The following OSBP2 variants were observed in gnomAD, a reference collection of about 807,000 sequenced individuals.
OSBP2 encodes the protein oxysterol binding protein 2.
A neutral mutation model predicts 96.0 loss-of-function variants in OSBP2; 66 were observed. The observed-to-expected ratio is 0.69, with a 90% CI of 0.56 to 0.84. The LOEUF is 0.84. OSBP2 is among the 40% of genes least tolerant of loss of function. The pLI, the probability that OSBP2 is intolerant of heterozygous loss-of-function variation, is 0.00. For missense variants in OSBP2, 1,038 were observed against 1,222.7 expected, an observed-to-expected ratio of 0.85 and a Z score of 2.25; for synonymous variants, 525 against 520.9, an observed-to-expected ratio of 1.01 and a Z score of -0.11.
At position 30,701,095 on chromosome 22, in the gene OSBP2, C is replaced by CA. The variant is rs61586620; in HGVS notation, c.644+5558dup. Among the ~76,000 whole-genome samples, 387 of 106,808 alleles carry CA rather than the reference C, an allele frequency of 3.6e-3. 2 individuals carry two copies. The highest frequency in any genetic ancestry group is 7.0e-3 in the African/African-American group (201 of 28,850). The allele number at this position is 106,808 out of a possible 152,430, so 70.1% of individuals were successfully genotyped here. A position where few individuals can be genotyped will look rare whatever the true frequency, so the allele number is the denominator to read the frequency against. ...GGGCAACAAGAGTGCAACTACGTCT[C>CA]AAAAAAAAAAAAAAAAGTCCTTTGG... On this transcript the variant is annotated intron_variant, in intron 1 of 13. Transcript: ENST00000332585.
intron 3 of OSBP2, among the ~76,000 whole-genome samples, chr22:30,880,852 G>A (rs2039689235): frequency 6.6e-6 from 1 of 152,182 alleles, no homozygotes; most frequent in Non-Finnish European, 1.5e-5. Flanking sequence ...ATGGGGCACC[G>A]GTGACCAGCA....
intron 2 of OSBP2, among the ~76,000 whole-genome samples, chr22:30,853,075 T>C (rs1055820426): frequency 6.6e-6 from 1 of 152,234 alleles, no homozygotes; most frequent in African/African-American, 2.4e-5. Context: ...TTGAAAAGAA[T>C]GTGTGTTCTG....
intron 12 of OSBP2, among the ~76,000 whole-genome samples, chr22:30,898,661 G>A (rs1029300046): frequency 2.6e-5 from 4 of 151,896 alleles, no homozygotes; most frequent in African/African-American, 9.7e-5. Flanking sequence ...GAATAGCATG[G>A]GGGAAACCAC....
At chr22:30,725,167 C>G (rs2089622082) in intron 1 of OSBP2, among the ~76,000 whole-genome samples, 1 of 128,326 alleles carries the variant, frequency 7.8e-6, no homozygotes, top group African/African-American at 3.0e-5. Flanking sequence ...CAGAGCAAGA[C>G]TCTGTCTCAA....
intron 2 of OSBP2, among the ~76,000 whole-genome samples, chr22:30,797,522 T>A (rs2090781397): frequency 6.6e-6 from 1 of 151,958 alleles, no homozygotes; most frequent in South Asian, 2.1e-4. Context: ...GACCTCGCGA[T>A]CAGCCCACCT....
At chr22:30,899,402 C>CA (rs59384656) in intron 12 of OSBP2, among the ~76,000 whole-genome samples, 15,560 of 86,362 alleles carry the variant, frequency 0.18, 927 homozygotes, top group Middle Eastern at 0.24. Flanking sequence ...GACCCTATCT[C>CA]AAAAAAAAAA....
intron 2 of OSBP2, among the ~76,000 whole-genome samples, chr22:30,868,992 C>T (rs2039405080): frequency 6.6e-6 from 1 of 152,186 alleles, no homozygotes; most frequent in Non-Finnish European, 1.5e-5. Flanking sequence ...TTCAGAAACC[C>T]CTTGGCAGTT....
At chr22:30,864,992 C>T (rs960605302) in intron 2 of OSBP2, among the ~76,000 whole-genome samples, 1 of 152,190 alleles carries the variant, frequency 6.6e-6, no homozygotes, top group Non-Finnish European at 1.5e-5. Flanking sequence ...CCAGCCTATG[C>T]AGCCTTTCAG....
chr22:30,791,855 T>C (rs2090680433), intron 2 of OSBP2, among the ~76,000 whole-genome samples: 1 of 152,126 alleles, frequency 6.6e-6, no homozygotes, highest in Non-Finnish European at 1.5e-5. Context: ...TAATAAATGG[T>C]TTAAGAACCC....
At chr22:30,807,732 C>G (rs903833775) in intron 2 of OSBP2, among the ~76,000 whole-genome samples, 6 of 152,202 alleles carry the variant, frequency 3.9e-5, no homozygotes, top group African/African-American at 1.4e-4. Context: ...AGTTTTCTTT[C>G]CCTGCCTAAA....
At chr22:30,852,630 TTTTG>T (rs1339348449) in intron 2 of OSBP2, among the ~76,000 whole-genome samples, 3 of 152,152 alleles carry the variant, frequency 2.0e-5, no homozygotes, top group Non-Finnish European at 2.9e-5. Flanking sequence ...TCTGTTTTTA[TTTTG>T]TTTATTTCTG....
chr22:30,886,435 G>T (rs1353165834), intron 3 of OSBP2, among the ~76,000 whole-genome samples: 2 of 152,090 alleles, frequency 1.3e-5, no homozygotes, highest in Non-Finnish European at 2.9e-5. Flanking sequence ...GACAATAGAT[G>T]ACAAATGTTT....
At chr22:30,813,498 T>C (rs1312931613) in intron 2 of OSBP2, among the ~76,000 whole-genome samples, 1 of 151,960 alleles carries the variant, frequency 6.6e-6, no homozygotes, top group Non-Finnish European at 1.5e-5. Context: ...TTGACCCTTC[T>C]GTAGTCTCTG....
intron 2 of OSBP2, among the ~76,000 whole-genome samples, chr22:30,798,214 G>A (rs1180962051): frequency 6.6e-6 from 1 of 152,022 alleles, no homozygotes; most frequent in African/African-American, 2.4e-5. Context: ...TGTACGTATT[G>A]GCCATTTGTG....
intron 2 of OSBP2, among the ~76,000 whole-genome samples, chr22:30,835,698 T>C (rs775333092): frequency 5.9e-5 from 9 of 151,618 alleles, no homozygotes; most frequent in Non-Finnish European, 8.8e-5. Flanking sequence ...CATATGTAAA[T>C]GATACGAAAT....
At position 30,890,981 on chromosome 22, in the gene OSBP2, G is replaced by T. The variant is rs777946771; in HGVS notation, c.1869+8G>T. ...CGCTCCCTCTGTGAGCAGGTGAGGG[G>T]GCTAGGCTGGCACTGGGTGGCGCCC... On this transcript the variant is annotated splice_region_variant and intron_variant, in intron 8 of 13. Coordinates refer to ENST00000332585, the MANE Select transcript of OSBP2 (RefSeq NM_030758.4). This position sits in a 1 kb window ranked among gnomAD's most constrained non-coding sequence, Gnocchi z 4.4. The T allele has an allele frequency of 8.7e-6, 14 of 1,602,178 alleles. No homozygotes were observed. In the South Asian group the frequency reaches 1.5e-4, roughly 18 times the overall value.
chr22:30,836,220 A>G (rs1400722385), intron 2 of OSBP2, among the ~76,000 whole-genome samples: 1 of 152,208 alleles, frequency 6.6e-6, no homozygotes, highest in Non-Finnish European at 1.5e-5. Flanking sequence ...TAAGTACTTT[A>G]TAATACAGTT....
chr22:30,873,628 G>A (rs965710072), intron 3 of OSBP2, among the ~76,000 whole-genome samples: 1 of 152,214 alleles, frequency 6.6e-6, no homozygotes, highest in African/African-American at 2.4e-5. Context: ...TGTGATGTGT[G>A]CGGGGATGCT....
rs186002600 is a variant in OSBP2 at position 30,887,829 on chromosome 22, G to A, written c.1300+211G>A. 2.0e-5 allele frequency among the ~76,000 whole-genome samples: 3 copies of A among 152,338 alleles called. No homozygotes were observed. The East Asian group carries it at 5.8e-4, about 29-fold the overall frequency. On this transcript the variant is annotated intron_variant, in intron 4 of 13. Transcript: ENST00000332585. ...TCTGCACCTAGGTTCACATTCTCAA[G>A]AGTTAAATTTAATGAGCCCAGCTGT...
Sources: gnomAD v4.1 joint callset for allele counts (sites outside exome capture counted in the v4.1 genomes callset) on GRCh38, gnomAD v4.1.1 for gene constraint, Gnocchi (gnomAD v3.1) non-coding constraint, MANE v1.5 for transcripts, NCBI Gene and HGNC (gene_info 2026-07-23, HGNC 2026-07-21) for gene names.